The following STK3 variants were observed in gnomAD, a reference collection of about 807,000 sequenced individuals.
STK3 encodes the protein serine/threonine-protein kinase 3.
STK3 carries 41 observed loss-of-function variants against 58.0 expected under a neutral mutation model. The observed-to-expected ratio is 0.71, with a 90% CI of 0.55 to 0.92. The LOEUF (loss-of-function observed/expected upper bound fraction) is 0.92, where lower values mean the gene tolerates loss of function less well. Among genes scored for constraint, STK3 ranks in the 40% least tolerant of loss-of-function variants. The probability of loss-of-function intolerance (pLI) is 0.00; values close to 1 mark genes in which losing one functional copy is unlikely to be tolerated. For missense variants in STK3, 479 were observed against 602.7 expected, an observed-to-expected ratio of 0.79 and a Z score of 2.15; for synonymous variants, 170 against 191.0, an observed-to-expected ratio of 0.89 and a Z score of 0.91.
chr8:98,373,747 T>G (rs900161268), intron 2 of STK3, among the ~76,000 whole-genome samples: 2 of 152,228 alleles, frequency 1.3e-5, no homozygotes, highest in African/African-American at 4.8e-5. Context: ...TCCTTTTTTT[T>G]GTGAATGTCT....
At chr8:98,474,228 T>C (rs887966543) in intron 10 of STK3, among the ~76,000 whole-genome samples, 6 of 152,192 alleles carry the variant, frequency 3.9e-5, no homozygotes, top group African/African-American at 7.2e-5. Context: ...ACTGTTTCAA[T>C]AGCTTCCTAA....
At position 98,479,500 on chromosome 8, in the gene STK3, G is replaced by T. The variant is rs1315013073; in HGVS notation, c.1318-23500C>A. Among the ~76,000 whole-genome samples the T allele has an allele frequency of 9.5e-5, 8 of 84,306 alleles. No homozygotes were observed. In the East Asian group the frequency reaches 2.0e-3, roughly 21 times the overall value. 55.3% of individuals were successfully genotyped at this position (84,306 alleles called of 152,430 possible). ...ACACTCCGTCTCGGGGGGGGGGGGG[G>T]GGCGGGAAAGGTGAAGAAGCATATC... On this transcript the variant is annotated intron_variant, in intron 10 of 10. Transcript: ENST00000419617.
At chr8:98,541,214 C>T (rs548040011) in intron 9 of STK3, among the ~76,000 whole-genome samples, 28 of 152,218 alleles carry the variant, frequency 1.8e-4, no homozygotes, top group East Asian at 5.8e-4. Flanking sequence ...CTAAATCTCA[C>T]GTTGAATTTT....
intron 1 of STK3, among the ~76,000 whole-genome samples, chr8:98,793,299 C>T (rs1471749302): frequency 6.6e-6 from 1 of 152,044 alleles, no homozygotes; most frequent in African/African-American, 2.4e-5. Flanking sequence ...TGTAACCAAA[C>T]ACCACCTGTT....
Position 98,766,304 on chromosome 8 carries a change from G to A in STK3, c.236+939C>T, listed in dbSNP as rs893349249. Among the ~76,000 whole-genome samples, 7 of 152,250 alleles carry A rather than the reference G, an allele frequency of 4.6e-5. 1 individual carries two copies. Among genetic ancestry groups the A allele is most frequent in the Admixed American group, 6.5e-5 (1 of 15,294 alleles). ...CATTCTTAGATCCTGGCACAGTACC[G>A]GGTCAACTGGGGATGCTCAGTGAAT... On this transcript the variant is annotated intron_variant, in intron 3 of 10. Coordinates refer to ENST00000419617, the MANE Select transcript of STK3 (RefSeq NM_006281.4).
chr8:98,643,196 T>C (rs944183866), intron 6 of STK3, among the ~76,000 whole-genome samples: 1 of 152,156 alleles, frequency 6.6e-6, no homozygotes, highest in African/African-American at 2.4e-5. Context: ...TCCACTGCCC[T>C]CCAGCCTGGG....
In STK3 at chr8:98,706,462, C is replaced by G; in HGVS notation, c.684+5G>C. 1 of 1,603,846 alleles carries G rather than the reference C, an allele frequency of 6.2e-7. No individual in the cohort carries two copies. The highest frequency in any genetic ancestry group is 8.5e-7 in the Non-Finnish European group (1 of 1,176,708). ...AACATTTTCAGCAAACCATAATTTT[C>G]TTACCCTCATTGGATGTATATCAGC... is the stretch of plus-strand genomic sequence containing the variant. On this transcript the variant is annotated splice_donor_5th_base_variant and intron_variant, in intron 6 of 10. Coordinates refer to ENST00000419617, the MANE Select transcript of STK3 (RefSeq NM_006281.4).
intron 10 of STK3, among the ~76,000 whole-genome samples, chr8:98,482,403 C>G (rs1199694173): frequency 6.6e-6 from 1 of 152,082 alleles, no homozygotes; most frequent in African/African-American, 2.4e-5. Flanking sequence ...TTTTATGGAT[C>G]TTCTGAATAA....
chr8:98,459,141 A>G (rs1044895945), intron 10 of STK3, among the ~76,000 whole-genome samples: 4 of 152,242 alleles, frequency 2.6e-5, no homozygotes, highest in Non-Finnish European at 5.9e-5. Flanking sequence ...GATATGGACA[A>G]TGAAGCCGTG....
intron 10 of STK3, among the ~76,000 whole-genome samples, chr8:98,494,106 C>T (rs1470597689): frequency 6.6e-6 from 1 of 152,164 alleles, no homozygotes; most frequent in Non-Finnish European, 1.5e-5. Flanking sequence ...TGTAATTTTT[C>T]AATGGCTTTC....
At chr8:98,564,012 G>A (rs1276058422) in intron 8 of STK3, among the ~76,000 whole-genome samples, 1 of 152,048 alleles carries the variant, frequency 6.6e-6, no homozygotes, top group African/African-American at 2.4e-5. Context: ...AAGAAAGAAA[G>A]AATAATTTTA....
chr8:98,879,614 A>G (rs201504452), downstream of STK3: 3 of 152,340 alleles, frequency 2.0e-5, no homozygotes, highest in East Asian at 3.9e-4. Context: ...CTAATCCTCT[A>G]TGTCAATCCA....
chr8:98,871,097 G>A (rs1368144537), intron 3 of STK3, among the ~76,000 whole-genome samples: 1 of 152,210 alleles, frequency 6.6e-6, no homozygotes, highest in Non-Finnish European at 1.5e-5. Flanking sequence ...TTATTAAATA[G>A]GGAATCCTTT....
chr8:98,663,469 C>T (rs966628942), intron 6 of STK3, among the ~76,000 whole-genome samples: 2 of 152,180 alleles, frequency 1.3e-5, no homozygotes, highest in Non-Finnish European at 2.9e-5. Context: ...GTGGTGATTC[C>T]TCAGGGATCT....
intron 3 of STK3, among the ~76,000 whole-genome samples, chr8:98,856,155 C>CAAAAAAAAA (rs60632558): frequency 1.9e-5 from 1 of 54,046 alleles, no homozygotes; most frequent in Non-Finnish European, 3.3e-5. Context: ...GACTCCATCT[C>CAAAAAAAAA]AAAAAAAAAA....
chr8:98,647,091 C>T (rs1047654724), intron 6 of STK3, among the ~76,000 whole-genome samples: 1 of 152,168 alleles, frequency 6.6e-6, no homozygotes, highest in Non-Finnish European at 1.5e-5. Flanking sequence ...ACATTATCTC[C>T]TACTTCTTTG....
chr8:98,938,974 C>A (rs569614665), intron 1 of STK3, among the ~76,000 whole-genome samples: 15 of 152,040 alleles, frequency 9.9e-5, no homozygotes, highest in Admixed American at 9.8e-4. Context: ...AACAACTGGC[C>A]GTGAAAGAAG....
At chr8:98,707,907 G>C (rs917142742) in intron 4 of STK3, among the ~76,000 whole-genome samples, 5 of 152,070 alleles carry the variant, frequency 3.3e-5, no homozygotes, top group Non-Finnish European at 5.9e-5. Flanking sequence ...GGGAGGCTGA[G>C]GCGAGCAGAT....
chr8:98,571,618 A>G (rs1812976122), intron 8 of STK3, among the ~76,000 whole-genome samples: 1 of 152,182 alleles, frequency 6.6e-6, no homozygotes, highest in Non-Finnish European at 1.5e-5. Context: ...GAAAGTCCTC[A>G]TTTCTTTTCC....
Sources: gnomAD v4.1 joint callset for allele counts (sites outside exome capture counted in the v4.1 genomes callset) on GRCh38, gnomAD v4.1.1 for gene constraint, MANE v1.5 for transcripts, NCBI Gene and HGNC (gene_info 2026-07-23, HGNC 2026-07-21) for gene names.